CAMK2D: variants seen among roughly 807,000 people sequenced by gnomAD.
CAMK2D encodes calcium/calmodulin-dependent protein kinase type II subunit delta.
Under a neutral mutation model 84.0 loss-of-function variants are expected in CAMK2D, and 37 were observed. The ratio of observed to expected loss-of-function variants is 0.44; its 90% CI spans 0.34 to 0.58. The LOEUF is 0.58. Ranked by LOEUF, CAMK2D falls within the 20% of genes least tolerant of loss-of-function variation. The pLI, the probability that CAMK2D is intolerant of heterozygous loss-of-function variation, is 0.02. For synonymous variants in CAMK2D, 202 were observed against 212.5 expected, an observed-to-expected ratio of 0.95 and a Z score of 0.43; for missense variants, 448 against 652.5, an observed-to-expected ratio of 0.69 and a Z score of 3.41.
chr4:113,476,166 G>A (rs1277195521), intron 16 of CAMK2D, among the ~76,000 whole-genome samples: 3 of 152,066 alleles, frequency 2.0e-5, no homozygotes, highest in Non-Finnish European at 2.9e-5. Context: ...AGGGCTCAAC[G>A]TAATATGTGT....
At chr4:113,601,411 C>T (rs527682744) in intron 4 of CAMK2D, among the ~76,000 whole-genome samples, 7 of 151,720 alleles carry the variant, frequency 4.6e-5, no homozygotes, top group South Asian at 4.2e-4. Flanking sequence ...GAACACGATC[C>T]GGATATGCCC....
chr4:113,760,988 G>C lies in CAMK2D; in HGVS notation c.65+16C>G. On this transcript the variant is annotated intron_variant, in intron 1 of 20. Coordinates refer to ENST00000511664, the MANE Select transcript of CAMK2D (RefSeq NM_001321571.2). ...GCTGGAAAGGGGATATGCGGATGCCGGGCAAAGGTGCTTACTTTCCAAGCT... is the reference window on the plus strand; with the variant it reads ...GCTGGAAAGGGGATATGCGGATGCCCGGCAAAGGTGCTTACTTTCCAAGCT... The C allele has an allele frequency of 1.2e-6, 2 of 1,614,122 alleles. No homozygotes were observed. Among genetic ancestry groups the C allele is most frequent in the Non-Finnish European group, 1.7e-6 (2 of 1,180,016 alleles).
At chr4:113,558,969 G>A (rs997619168) in intron 4 of CAMK2D, among the ~76,000 whole-genome samples, 13 of 152,030 alleles carry the variant, frequency 8.6e-5, no homozygotes, top group Admixed American at 3.3e-4. Flanking sequence ...ATGACAGAGC[G>A]AGACCCTGTC....
At chr4:113,509,743 G>A in intron 12 of CAMK2D, 68 bp from the exon 13 acceptor site, 1 of 1,154,946 alleles carries the variant, frequency 8.7e-7, no homozygotes, top group Non-Finnish European at 1.3e-6. Flanking sequence ...CAACAAAGCA[G>A]TCAGGTTATT....
intron 3 of CAMK2D, among the ~76,000 whole-genome samples, chr4:113,621,455 C>T (rs2099045887): frequency 6.6e-6 from 1 of 152,022 alleles, no homozygotes; most frequent in African/African-American, 2.4e-5. Flanking sequence ...GTCCTTCAAC[C>T]CTGAACAAAA....
At chr4:113,528,045 T>A (rs1038577728) in intron 8 of CAMK2D, among the ~76,000 whole-genome samples, 1 of 152,026 alleles carries the variant, frequency 6.6e-6, no homozygotes, top group Non-Finnish European at 1.5e-5. Flanking sequence ...GGGAAAATAA[T>A]TTAAAAGTAA....
intron 2 of CAMK2D, among the ~76,000 whole-genome samples, chr4:113,684,380 C>T (rs892758509): frequency 3.3e-5 from 5 of 152,140 alleles, no homozygotes; most frequent in African/African-American, 1.2e-4. Context: ...ATCTCTTAGG[C>T]AAACTCATAT....
At chr4:113,494,018 A>G (rs976781978) in intron 16 of CAMK2D, among the ~76,000 whole-genome samples, 3 of 151,928 alleles carry the variant, frequency 2.0e-5, no homozygotes, top group African/African-American at 7.3e-5. Flanking sequence ...ACTTCTCTGT[A>G]TTGGTTATTC....
At chr4:113,721,713 A>C (rs1380900644) in intron 2 of CAMK2D, among the ~76,000 whole-genome samples, 2 of 152,196 alleles carry the variant, frequency 1.3e-5, no homozygotes, top group Admixed American at 1.3e-4. Context: ...ACAAATGAGG[A>C]CTGCCGTAAA....
chr4:113,620,278 C>T lies in CAMK2D; in HGVS notation c.221-11072G>A, dbSNP rs892522164. On this transcript the variant is annotated intron_variant, in intron 3 of 20. Transcript: ENST00000511664. ...GGTGCTGCAGATAAAGCAGCTCACT[C>T]GAGAGTCAGACTGCAGTCAGCACAA... is the stretch of plus-strand genomic sequence containing the variant. Among the ~76,000 whole-genome samples, 8 of 152,002 alleles carry T rather than the reference C, an allele frequency of 5.3e-5. No homozygotes were observed. The South Asian group carries it at 8.3e-4, about 16-fold the overall frequency.
At chr4:113,627,332 A>G (rs1024550214) in intron 3 of CAMK2D, among the ~76,000 whole-genome samples, 6 of 152,164 alleles carry the variant, frequency 3.9e-5, no homozygotes, top group African/African-American at 9.6e-5. Context: ...GATTCTTATT[A>G]TCTGCAGTAG....
intron 16 of CAMK2D, among the ~76,000 whole-genome samples, chr4:113,474,497 CCTTTTT>C (rs1453353084): frequency 1.3e-4 from 14 of 111,342 alleles, no homozygotes; most frequent in African/African-American, 5.1e-4. Flanking sequence ...TCCTTTTTGG[CCTTTTT>C]TTTTTTTTTT....
At chr4:113,490,819 G>A (rs1448336036) in intron 16 of CAMK2D, among the ~76,000 whole-genome samples, 1 of 112,370 alleles carries the variant, frequency 8.9e-6, no homozygotes. Context: ...TTATTTCCTT[G>A]AGCAGTGGTT....
chr4:113,482,231 T>TTAAG (rs1423519154), intron 16 of CAMK2D, among the ~76,000 whole-genome samples: 2 of 152,212 alleles, frequency 1.3e-5, no homozygotes, highest in African/African-American at 4.8e-5. Context: ...TGATTATATC[T>TTAAG]TAAGTTAGAG....
At chr4:113,634,562 A>T (rs1171715429) in intron 3 of CAMK2D, among the ~76,000 whole-genome samples, 1 of 152,212 alleles carries the variant, frequency 6.6e-6, no homozygotes, top group Non-Finnish European at 1.5e-5. Context: ...CCAAGGAATG[A>T]CATTTGTAAA....
At chr4:113,514,721 T>C (rs3815072) in intron 10 of CAMK2D, among the ~76,000 whole-genome samples, 17,021 of 152,236 alleles carry the variant, frequency 0.11, 1,292 homozygotes, top group East Asian at 0.24. Context: ...TGCCTAATGA[T>C]AAATAATTGA....
intron 16 of CAMK2D, among the ~76,000 whole-genome samples, chr4:113,495,416 C>T (rs1487286499): frequency 6.6e-6 from 1 of 152,128 alleles, no homozygotes; most frequent in African/African-American, 2.4e-5. Context: ...AGATCAGTAC[C>T]ATGAGATCAT....
chr4:113,721,980 T>C (rs1202381103), intron 2 of CAMK2D, among the ~76,000 whole-genome samples: 1 of 152,194 alleles, frequency 6.6e-6, no homozygotes, highest in Non-Finnish European at 1.5e-5. Context: ...GTTAGGAATA[T>C]AAACTCCAAA....
Position 113,526,414 on chromosome 4 carries a change from ATGTGTGTGTGTGTG to A in CAMK2D, c.601+4788_601+4801del, listed in dbSNP as rs35503858. On this transcript the variant is annotated intron_variant, in intron 8 of 20. Transcript: ENST00000511664. ...ATAAGTTTCTAAGGAGTCATTCTTGATGTGTGTGTGTGTGTGTGTGTGTGTGTGTGCATGCATGT... is the reference window on the plus strand; with the variant it reads ...ATAAGTTTCTAAGGAGTCATTCTTGATGTGTGTGTGTGTGTGCATGCATGT... 3.3e-5 allele frequency among the ~76,000 whole-genome samples: 5 copies of A among 149,678 alleles called. No individual in the cohort carries two copies. In the East Asian group the frequency reaches 5.9e-4, roughly 18 times the overall value.
Sources: allele counts gnomAD v4.1 joint callset (sites outside exome capture counted in the v4.1 genomes callset), GRCh38; gene constraint gnomAD v4.1.1; transcripts MANE v1.5; gene names NCBI Gene and HGNC (gene_info 2026-07-23, HGNC 2026-07-21).